Variants in PLPPR1 observed in about 807,000 individuals in gnomAD.
PLPPR1 encodes the protein phospholipid phosphatase-related protein type 1.
Under a neutral mutation model 33.1 loss-of-function variants are expected in PLPPR1, and 10 were observed. The ratio of observed to expected loss-of-function variants is 0.30; its 90% confidence interval spans 0.19 to 0.51. The LOEUF (loss-of-function observed/expected upper bound fraction) is 0.51, where lower values mean the gene tolerates loss of function less well. Ranked by LOEUF, PLPPR1 falls within the 20% of genes least tolerant of loss-of-function variation. PLPPR1 has a pLI of 0.97. For missense variants in PLPPR1, 304 were observed against 408.1 expected, an observed-to-expected ratio of 0.74 and a Z score of 2.20; for synonymous variants, 151 against 151.0, an observed-to-expected ratio of 1.00 and a Z score of 0.00.
chr9:101,305,687 G>A (rs1359894567), intron 4 of PLPPR1, among the ~76,000 whole-genome samples: 1 of 152,040 alleles, frequency 6.6e-6, no homozygotes, highest in African/African-American at 2.4e-5. Flanking sequence ...CCTGGAATGA[G>A]GCCTGTTATT....
At chr9:101,274,912 A>T (rs1161620970) in intron 3 of PLPPR1, among the ~76,000 whole-genome samples, 5 of 152,180 alleles carry the variant, frequency 3.3e-5, no homozygotes, top group Non-Finnish European at 5.9e-5. Flanking sequence ...AGGCTAAATG[A>T]TCTCTAAGCA....
At chr9:101,249,262 A>G (rs1243112069) in intron 2 of PLPPR1, among the ~76,000 whole-genome samples, 1 of 152,048 alleles carries the variant, frequency 6.6e-6, no homozygotes, top group Non-Finnish European at 1.5e-5. Flanking sequence ...TTGAAACTAG[A>G]GTTTTCTCAT....
intron 4 of PLPPR1, among the ~76,000 whole-genome samples, chr9:101,304,090 TAC>T (rs10611057): frequency 0.11 from 16,019 of 152,272 alleles, 1,037 homozygotes; most frequent in African/African-American, 0.17. Flanking sequence ...AATTATGATT[TAC>T]AGTTTTCCAA....
In PLPPR1 at chr9:101,139,732, T is replaced by A. The variant is rs535176551; in HGVS notation, c.-45-45718T>A. ...AGTTATATATAATTGGCCAATGGAG[T>A]GACTATATTTTAGAAGTTAATACAT... On this transcript the variant is annotated intron_variant, in intron 1 of 7. Transcript: ENST00000374874. Among the ~76,000 whole-genome samples the A allele has an allele frequency of 2.0e-5, 3 of 152,074 alleles. No individual in the cohort carries two copies. In the South Asian group the frequency reaches 6.2e-4, roughly 32 times the overall value.
intron 1 of PLPPR1, among the ~76,000 whole-genome samples, chr9:101,050,244 C>T (rs938958284): frequency 1.3e-5 from 2 of 150,446 alleles, no homozygotes; most frequent in African/African-American, 4.9e-5. Flanking sequence ...ATCTGTGATT[C>T]TGTGAGTTCC....
intron 1 of PLPPR1, among the ~76,000 whole-genome samples, chr9:101,162,029 G>A (rs545735614): frequency 7.1e-4 from 108 of 151,334 alleles, no homozygotes; most frequent in African/African-American, 2.6e-3. Context: ...TTATGTTCTA[G>A]CTTTGACACT....
chr9:101,053,774 G>C (rs1378618043), intron 1 of PLPPR1, among the ~76,000 whole-genome samples: 2 of 152,182 alleles, frequency 1.3e-5, no homozygotes, highest in African/African-American at 4.8e-5. Flanking sequence ...TCTGGGGCTT[G>C]ATCATAAATG....
rs756874307 is a variant in PLPPR1, at chr9:101,270,033, C to T, written c.217C>T (p.Leu73Phe). The T allele has an allele frequency of 1.2e-6, 2 of 1,614,186 alleles. No individual in the cohort carries two copies. Among genetic ancestry groups the T allele is most frequent in the South Asian group, 2.2e-5 (2 of 91,090 alleles). The change falls in exon 3 of 8, where the codon CTC (leucine) becomes TTC (phenylalanine). Residue 73 changes from leucine (L) to phenylalanine (F), a missense_variant. Transcript: ENST00000374874. The part of the protein sequence containing the change: ...EEESFITPLV[L>F]YCVLAATPTA... ...AGAAAGCTTCATCACCCCTCTGGTG[C>T]TCTATTGTGTGCTGGCTGCCACCCC...
At position 101,237,042 on chromosome 9, in the gene PLPPR1, C is replaced by A. The variant is rs534740905; in HGVS notation, c.64-32838C>A. Among the ~76,000 whole-genome samples, 17 of 151,756 alleles carry A rather than the reference C, an allele frequency of 1.1e-4. 1 individual carries two copies. In the South Asian group the frequency reaches 3.5e-3, roughly 31 times the overall value. Reference sequence around the variant, plus strand: ...CAGGTATTTTTCAAAAGACAACATACAAGTGTATCTTTAAATGTGTGAAAA... The same window carrying A: ...CAGGTATTTTTCAAAAGACAACATAAAAGTGTATCTTTAAATGTGTGAAAA... On this transcript the variant is annotated intron_variant, in intron 2 of 7. Coordinates refer to ENST00000374874, the MANE Select transcript of PLPPR1 (RefSeq NM_207299.2).
At chr9:101,064,840 G>A (rs1189279372) in intron 1 of PLPPR1, among the ~76,000 whole-genome samples, 1 of 151,984 alleles carries the variant, frequency 6.6e-6, no homozygotes, top group Non-Finnish European at 1.5e-5. Flanking sequence ...CTCATGGAAA[G>A]GGGGCTCAGG....
At chr9:101,109,096 C>G (rs1831016604) in intron 1 of PLPPR1, among the ~76,000 whole-genome samples, 1 of 149,282 alleles carries the variant, frequency 6.7e-6, no homozygotes, top group Admixed American at 6.7e-5. Flanking sequence ...GTAGCTGGGA[C>G]TACAGGCGCC....
intron 1 of PLPPR1, among the ~76,000 whole-genome samples, chr9:101,059,246 A>G (rs887776462): frequency 3.9e-5 from 6 of 152,136 alleles, no homozygotes; most frequent in African/African-American, 1.4e-4. Flanking sequence ...TTGCTTGTTT[A>G]TACACACTCA....
intron 2 of PLPPR1, among the ~76,000 whole-genome samples, chr9:101,215,025 T>TAA (rs771958048): frequency 3.6e-5 from 4 of 111,650 alleles, no homozygotes; most frequent in Admixed American, 9.2e-5. Flanking sequence ...TCCATGAAAT[T>TAA]AAAAAAAAAA....
intron 7 of PLPPR1, among the ~76,000 whole-genome samples, chr9:101,318,793 CA>C (rs1829101691): frequency 6.6e-6 from 1 of 151,486 alleles, no homozygotes; most frequent in African/African-American, 2.4e-5. Flanking sequence ...CAAAAACAAA[CA>C]AACAAAAAAA....
intron 2 of PLPPR1, among the ~76,000 whole-genome samples, chr9:101,190,124 A>T (rs1048003940): frequency 2.0e-5 from 3 of 152,126 alleles, no homozygotes; most frequent in African/African-American, 7.2e-5. Flanking sequence ...TCTCAAACGT[A>T]TCGTCAAAGT....
intron 1 of PLPPR1, among the ~76,000 whole-genome samples, chr9:101,120,671 C>T (rs1281314879): frequency 2.6e-5 from 4 of 152,190 alleles, no homozygotes; most frequent in Non-Finnish European, 4.4e-5. Flanking sequence ...CATATGCTCC[C>T]CTCCTTCAAC....
intron 1 of PLPPR1, among the ~76,000 whole-genome samples, chr9:101,158,899 G>T (rs1831735796): frequency 6.6e-6 from 1 of 152,188 alleles, no homozygotes; most frequent in Non-Finnish European, 1.5e-5. Flanking sequence ...CTTCTCCTAA[G>T]TTTGGAGGAC....
chr9:101,087,962 C>G (rs1045574905), intron 1 of PLPPR1, among the ~76,000 whole-genome samples: 6 of 152,218 alleles, frequency 3.9e-5, no homozygotes, highest in Admixed American at 1.3e-4. Context: ...CTGATAAATG[C>G]CAGCACTAAG....
intron 1 of PLPPR1, among the ~76,000 whole-genome samples, chr9:101,040,593 C>T (rs1830065323): frequency 6.6e-6 from 1 of 152,190 alleles, no homozygotes; most frequent in Admixed American, 6.5e-5. Context: ...AATGCCTGTT[C>T]TGCAAAAACT....
Sources: gnomAD v4.1 joint callset for allele counts (sites outside exome capture counted in the v4.1 genomes callset) on GRCh38, gnomAD v4.1.1 for gene constraint, MANE v1.5 for transcripts, NCBI Gene and HGNC (gene_info 2026-07-23, HGNC 2026-07-21) for gene names.